Variants in TDRD3 observed in about 807,000 individuals in gnomAD.
TDRD3 encodes tudor domain containing 3, also known as tudor domain-containing protein 3.
Under a neutral mutation model 86.7 loss-of-function variants are expected in TDRD3, and 45 were observed. The observed-to-expected ratio is 0.52, with a 90% CI of 0.41 to 0.67. The LOEUF is 0.67. Among genes scored for constraint, TDRD3 ranks in the 30% least tolerant of loss-of-function variants. The pLI is 0.00. For missense variants in TDRD3, 814 were observed against 889.0 expected, an observed-to-expected ratio of 0.92 and a Z score of 1.07; for synonymous variants, 298 against 301.7, an observed-to-expected ratio of 0.99 and a Z score of 0.13.
rs9570308 is a variant in TDRD3 at position 60,475,455 on chromosome 13, A to G, written c.495+8076A>G. Among the ~76,000 whole-genome samples the G allele has an allele frequency of 2.0e-5, 3 of 152,334 alleles. No homozygotes were observed. The East Asian group carries it at 5.8e-4, about 29-fold the overall frequency. ...CTTATTTATGGCTGTGTAGTATTCT[A>G]TCATGTATATCTACCACATTTTCTT... On this transcript the variant is annotated intron_variant, in intron 5 of 13. Coordinates refer to ENST00000377881, the MANE Select transcript of TDRD3 (RefSeq NM_001146070.2).
At chr13:60,467,177 C>T (rs1328074137) in intron 4 of TDRD3, 61 bp from the exon 5 acceptor site, 44 of 1,588,488 alleles carry the variant, frequency 2.8e-5, no homozygotes, top group Middle Eastern at 1.7e-4. Context: ...TGTTGTTTCC[C>T]GCCCTGTGTC....
At chr13:60,464,446 T>C (rs1002272213) in intron 4 of TDRD3, among the ~76,000 whole-genome samples, 1 of 152,162 alleles carries the variant, frequency 6.6e-6, no homozygotes, top group South Asian at 2.1e-4. Flanking sequence ...AGGAAGCATC[T>C]GCACTCCCAT....
chr13:60,509,802 T>C lies in TDRD3; in HGVS notation c.898T>C (p.Phe300Leu). The change falls in exon 9 of 14, where the codon TTC (phenylalanine) becomes CTC (leucine). Residue 300 changes from phenylalanine to leucine, a missense_variant. Phe to Leu is a conservative substitution (Grantham distance 22). Transcript: ENST00000377881. ...TCTGAAGCACATAACGGAAATGGGC[T>C]TCAGTAAGGAAGCATCGAGGCAAGC... ...KALKHITEMGFSKEASRQALM... is the reference protein window; with the variant it reads ...KALKHITEMGLSKEASRQALM... The C allele has an allele frequency of 3.7e-6, 6 of 1,613,828 alleles. No individual in the cohort carries two copies. Among genetic ancestry groups the C allele is most frequent in the Non-Finnish European group, 5.1e-6 (6 of 1,179,738 alleles).
intron 13 of TDRD3, among the ~76,000 whole-genome samples, chr13:60,567,890 A>ATTTTTT (rs58242240): frequency 4.5e-5 from 6 of 132,932 alleles, no homozygotes; most frequent in Non-Finnish European, 3.2e-5. Context: ...TGCCCAGCTG[A>ATTTTTT]TTTTTTTTTT....
intron 1 of TDRD3, among the ~76,000 whole-genome samples, chr13:60,408,587 C>G (rs1475509211): frequency 6.6e-6 from 1 of 152,154 alleles, no homozygotes; most frequent in African/African-American, 2.4e-5. Flanking sequence ...TATGTTTTAG[C>G]AAGGAGACTG....
At chr13:60,496,726 G>C (rs533395072) in intron 8 of TDRD3, among the ~76,000 whole-genome samples, 2 of 152,208 alleles carry the variant, frequency 1.3e-5, no homozygotes, top group East Asian at 3.9e-4. Context: ...AGAAAATGAT[G>C]AACTCAGGCA....
chr13:60,434,925 G>A (rs1594929437), intron 1 of TDRD3, among the ~76,000 whole-genome samples: 1 of 152,126 alleles, frequency 6.6e-6, no homozygotes, highest in South Asian at 2.1e-4. Context: ...AATTAAGACT[G>A]GTGAATCCTG....
At chr13:60,403,960 C>T (rs182994865) in intron 1 of TDRD3, among the ~76,000 whole-genome samples, 2 of 152,262 alleles carry the variant, frequency 1.3e-5, no homozygotes, top group East Asian at 3.9e-4. Context: ...CTCCTGTACA[C>T]AAAGCACTGT....
chr13:60,565,350 C>T (rs867001345), intron 12 of TDRD3, among the ~76,000 whole-genome samples: 9 of 152,120 alleles, frequency 5.9e-5, no homozygotes, highest in Middle Eastern at 3.4e-3. Flanking sequence ...CCACCGCGCC[C>T]GGCCGTCAGT....
At chr13:60,455,210 G>T (rs1031817171) in intron 3 of TDRD3, among the ~76,000 whole-genome samples, 4 of 152,144 alleles carry the variant, frequency 2.6e-5, no homozygotes, top group Admixed American at 2.6e-4. Flanking sequence ...ACCACACCTG[G>T]CTTATATTTA....
chr13:60,469,427 CACACACAT>C (rs760774421), intron 5 of TDRD3, among the ~76,000 whole-genome samples: 10 of 150,304 alleles, frequency 6.7e-5, no homozygotes, highest in Non-Finnish European at 1.3e-4. Context: ...CCAACACACA[CACACACAT>C]ACACACACAC....
intron 12 of TDRD3, among the ~76,000 whole-genome samples, chr13:60,551,973 G>T (rs1168698166): frequency 6.6e-6 from 1 of 152,130 alleles, no homozygotes; most frequent in Non-Finnish European, 1.5e-5. Context: ...CTCGACATGT[G>T]GGGATTACGA....
chr13:60,569,598 A>G (rs1363949647), intron 13 of TDRD3, among the ~76,000 whole-genome samples: 3 of 152,184 alleles, frequency 2.0e-5, no homozygotes, highest in Admixed American at 1.3e-4. Flanking sequence ...TGGAACCACA[A>G]AAGTCCCAGA....
chr13:60,467,158 C>T, intron 4 of TDRD3, 80 bp from the exon 5 acceptor site: 2 of 1,542,768 alleles, frequency 1.3e-6, no homozygotes, highest in South Asian at 1.2e-5. Flanking sequence ...CCTGACAGGC[C>T]CCGGTCTGTG....
chr13:60,481,250 T>C (rs1956309241), intron 5 of TDRD3, among the ~76,000 whole-genome samples: 1 of 152,178 alleles, frequency 6.6e-6, no homozygotes, highest in East Asian at 1.9e-4. Context: ...TGGTTTTCAG[T>C]GAACTTTTTT....
intron 8 of TDRD3, among the ~76,000 whole-genome samples, chr13:60,506,618 G>T (rs768536759): frequency 5.9e-5 from 9 of 152,076 alleles, no homozygotes; most frequent in African/African-American, 2.2e-4. Context: ...CTAGCTGGGC[G>T]TTGTGGTGCA....
At chr13:60,494,638 T>G in intron 8 of TDRD3, 63 bp downstream of exon 8, 4 of 1,510,864 alleles carry the variant, frequency 2.6e-6, no homozygotes, top group Non-Finnish European at 3.6e-6. Flanking sequence ...CTTTTATTCT[T>G]TCTTACCACC....
intron 8 of TDRD3, among the ~76,000 whole-genome samples, chr13:60,506,614 G>T (rs1672599285): frequency 6.6e-6 from 1 of 152,042 alleles, no homozygotes; most frequent in Non-Finnish European, 1.5e-5. Context: ...AAAACTAGCT[G>T]GGCGTTGTGG....
intron 1 of TDRD3, among the ~76,000 whole-genome samples, chr13:60,406,813 G>C (rs982503427): frequency 6.6e-6 from 1 of 152,104 alleles, no homozygotes; most frequent in African/African-American, 2.4e-5. Context: ...ATATCTGAAA[G>C]TCTTTTAAAA....
Sources: allele counts gnomAD v4.1 joint callset (sites outside exome capture counted in the v4.1 genomes callset), GRCh38; gene constraint gnomAD v4.1.1; transcripts MANE v1.5; gene names NCBI Gene and HGNC (gene_info 2026-07-23, HGNC 2026-07-21).